Variants in KPNA5 observed in about 807,000 individuals in gnomAD.
The protein encoded by KPNA5 is karyopherin subunit alpha 5, also known as importin subunit alpha-6.
KPNA5 carries 46 observed loss-of-function variants against 71.3 expected under a neutral mutation model. The ratio of observed to expected loss-of-function variants is 0.65; its 90% CI spans 0.51 to 0.83. KPNA5 has a LOEUF of 0.83. KPNA5 is among the 40% of genes least tolerant of loss of function. KPNA5 has a pLI of 0.00. For missense variants in KPNA5, 547 were observed against 628.3 expected (o/e 0.87, Z 1.38); for synonymous variants, 207 against 201.4 (o/e 1.03, Z -0.24).
rs1461658371 is a variant in KPNA5 at position 116,739,365 on chromosome 6, A to G, written c.*7042A>G. On this transcript the variant is annotated 3_prime_UTR_variant, in exon 14 of 14. Coordinates refer to ENST00000368564, the MANE Select transcript of KPNA5 (RefSeq NM_001366306.2). ...AATAAAAGAGGATACAAAGAAATGG[A>G]AGAACATTCCATGCTCATGGGTAGG... 6.6e-6 allele frequency: 1 copy of G among 152,168 alleles called. No homozygotes were observed. The highest frequency in any genetic ancestry group is 1.5e-5 in the Non-Finnish European group (1 of 68,032). The allele number at this position is 152,168 out of a possible 1,614,324, so 9.4% of individuals were successfully genotyped here.
chr6:116,685,005 G>A lies in KPNA5; in HGVS notation c.4+3667G>A, dbSNP rs565872927. Among the ~76,000 whole-genome samples the A allele has an allele frequency of 1.0e-3, 154 of 152,262 alleles. 1 individual carries two copies. Among genetic ancestry groups the A allele is most frequent in the African/African-American group, 3.5e-3 (146 of 41,546 alleles). On this transcript the variant is annotated intron_variant, in intron 1 of 13. Coordinates refer to ENST00000368564, the MANE Select transcript of KPNA5 (RefSeq NM_001366306.2). ...TTATAAAGTGAAACATAAACTTGCC[G>A]TATTATCCGTCAGTTCTACTCCTAG...
intron 5 of KPNA5, among the ~76,000 whole-genome samples, chr6:116,700,455 T>C (rs1346711371): frequency 2.7e-5 from 4 of 149,140 alleles, no homozygotes. Context: ...GGGCCCTGTC[T>C]CTAAATAAAT....
intron 1 of KPNA5, chr6:116,681,607 C>G: frequency 9.2e-7 from 1 of 1,090,854 alleles, no homozygotes; most frequent in Non-Finnish European, 1.2e-6. Flanking sequence ...CTGGTCTCAT[C>G]TTCGCCGCCC....
rs1445660877 is a variant in KPNA5, at chr6:116,716,372, A to G, written c.756+54A>G. On this transcript the variant is annotated intron_variant, in intron 8 of 13. Coordinates refer to ENST00000368564, the MANE Select transcript of KPNA5 (RefSeq NM_001366306.2). The stretch of plus-strand genomic sequence containing the variant: ...TTTGTTTCCATAAACCTAAGTTTCT[A>G]TATAATAGCTTTTTGATGTTTAAGG... The G allele has an allele frequency of 7.4e-6, 9 of 1,208,894 alleles. No individual in the cohort carries two copies. The African/African-American group carries it at 7.7e-5, about 10-fold the overall frequency. 74.9% of individuals were successfully genotyped at this position (1,208,894 alleles called of 1,614,324 possible). A position where few individuals can be genotyped will look rare whatever the true frequency, so the allele number is the denominator to read the frequency against.
rs1211138680 is a variant in KPNA5, at chr6:116,732,193, C to T, written c.1490C>T (p.Ala497Val). 7 of 1,568,152 alleles carry T rather than the reference C, an allele frequency of 4.5e-6. No homozygotes were observed. Among genetic ancestry groups the T allele is most frequent in the Non-Finnish European group, 6.0e-6 (7 of 1,159,102 alleles). ...GAAAATCAGGAAATTTACCAGAAGGCATTTGATCTGATTGAACATTACTTT... is the reference window on the plus strand; with the variant it reads ...GAAAATCAGGAAATTTACCAGAAGGTATTTGATCTGATTGAACATTACTTT... ...SHENQEIYQK[A>V]FDLIEHYFGV... is the part of the protein sequence containing the mutation. The change falls in exon 14 of 14, where the codon GCA becomes GTA. Residue 497 changes from alanine (A) to valine (V), a missense_variant. Physicochemically the swap from Ala to Val is moderately conservative, Grantham distance 64 (BLOSUM62 0). Coordinates refer to ENST00000368564, the MANE Select transcript of KPNA5 (RefSeq NM_001366306.2).
intron 7 of KPNA5, among the ~76,000 whole-genome samples, chr6:116,708,045 G>A (rs1047267097): frequency 5.9e-5 from 9 of 152,120 alleles, no homozygotes; most frequent in African/African-American, 1.9e-4. Context: ...TTAGCTTACT[G>A]TTTTCAAGGT....
At chr6:116,714,309 TG>T (rs1190904196) in intron 7 of KPNA5, among the ~76,000 whole-genome samples, 2 of 152,298 alleles carry the variant, frequency 1.3e-5, no homozygotes, top group African/African-American at 4.8e-5. Context: ...CTTAACTCAG[TG>T]GGTAGCTAGT....
rs2114529103 is a variant in KPNA5, at chr6:116,739,149, C to G, written c.*6826C>G. 1 of 152,292 alleles carries G rather than the reference C, an allele frequency of 6.6e-6. No homozygotes were observed. Among genetic ancestry groups the G allele is most frequent in the African/African-American group, 2.4e-5 (1 of 41,556 alleles). The allele number at this position is 152,292 out of a possible 1,614,324, so 9.4% of individuals were successfully genotyped here. ...TCCTTAAGCTGATAAGCAACTTCAG[C>G]AAAGTCTCAGGATACAAAATCAATG... On this transcript the variant is annotated 3_prime_UTR_variant, in exon 14 of 14. Transcript: ENST00000368564.
Position 116,722,387 on chromosome 6 carries a change from CAGGGA to C in KPNA5, c.920+100_920+104del, listed in dbSNP as rs1452502083. ...TAAATATCTCAAGAGTCACTGTCTTCAGGGAAAATTAAAAAGCTACTGACCCAACA... is the reference window on the plus strand; with the variant it reads ...TAAATATCTCAAGAGTCACTGTCTTCAAATTAAAAAGCTACTGACCCAACA... On this transcript the variant is annotated intron_variant, in intron 9 of 13. Coordinates refer to ENST00000368564, the MANE Select transcript of KPNA5 (RefSeq NM_001366306.2). The C allele has an allele frequency of 1.0e-5, 10 of 1,001,758 alleles. No homozygotes were observed. The Admixed American group carries it at 1.3e-4, about 13-fold the overall frequency. 62.1% of individuals were successfully genotyped at this position (1,001,758 alleles called of 1,614,324 possible).
chr6:116,708,011 T>C (rs1778512986), intron 7 of KPNA5, among the ~76,000 whole-genome samples: 1 of 152,234 alleles, frequency 6.6e-6, no homozygotes, highest in Non-Finnish European at 1.5e-5. Context: ...TCATACAATA[T>C]ATTACCTTTG....
chr6:116,689,480 G>A (rs1777713731), intron 2 of KPNA5, 27 bp downstream of exon 2: 2 of 1,516,690 alleles, frequency 1.3e-6, no homozygotes, highest in Middle Eastern at 2.2e-4. Context: ...ATTTAATTTT[G>A]TTTTTTAAAA....
chr6:116,696,253 T>C (rs947813357), intron 4 of KPNA5, among the ~76,000 whole-genome samples: 1 of 152,176 alleles, frequency 6.6e-6, no homozygotes, highest in African/African-American at 2.4e-5. Context: ...AGTTAATAGA[T>C]GTTTTCTTTC....
intron 4 of KPNA5, among the ~76,000 whole-genome samples, chr6:116,697,728 A>G (rs756843019): frequency 6.6e-6 from 1 of 152,060 alleles, no homozygotes; most frequent in South Asian, 2.1e-4. Context: ...ATGAATAGAT[A>G]ACATAGTAAT....
Position 116,712,378 on chromosome 6 carries a change from G to A in KPNA5, c.657-3841G>A, listed in dbSNP as rs1426238982. The stretch of plus-strand genomic sequence containing the variant: ...TCGGATCTCTGTTATTATTTGCATG[G>A]AAAATCGCTTCTCGGCCTTTTGGCT... On this transcript the variant is annotated intron_variant, in intron 7 of 13. Coordinates refer to ENST00000368564, the MANE Select transcript of KPNA5 (RefSeq NM_001366306.2). Among the ~76,000 whole-genome samples the A allele has an allele frequency of 2.0e-5, 3 of 152,292 alleles. No individual in the cohort carries two copies. In the East Asian group the frequency reaches 5.8e-4, roughly 29 times the overall value.
chr6:116,725,987 G>C, intron 11 of KPNA5, 111 bp downstream of exon 11: 2 of 1,199,010 alleles, frequency 1.7e-6, no homozygotes, highest in Non-Finnish European at 2.3e-6. Flanking sequence ...TACCGAAAAA[G>C]TATTTTAAAG....
intron 6 of KPNA5, among the ~76,000 whole-genome samples, chr6:116,703,764 TTAAAA>T (rs1778324801): frequency 6.6e-6 from 1 of 152,200 alleles, no homozygotes; most frequent in African/African-American, 2.4e-5. Flanking sequence ...GTTTTAAACA[TTAAAA>T]TAAAACTTTC....
rs189351482 is a variant in KPNA5, at chr6:116,733,750, A to G, written c.*1427A>G. ...TTAGTTTACAACTCTTTTTAAGATG[A>G]GAACTAAGGCAATTTTGATATGATT... On this transcript the variant is annotated 3_prime_UTR_variant, in exon 14 of 14. Transcript: ENST00000368564. The G allele has an allele frequency of 2.0e-5, 3 of 151,784 alleles. No individual in the cohort carries two copies. In the East Asian group the frequency reaches 5.8e-4, roughly 29 times the overall value. The allele number at this position is 151,784 out of a possible 1,614,324, so 9.4% of individuals were successfully genotyped here.
intron 12 of KPNA5, among the ~76,000 whole-genome samples, chr6:116,728,674 T>C (rs1254331917): frequency 6.6e-6 from 1 of 150,768 alleles, no homozygotes; most frequent in Admixed American, 6.6e-5. Flanking sequence ...GACAGAAACT[T>C]TTATTAAATG....
chr6:116,730,615 C>T (rs925296401), intron 13 of KPNA5, among the ~76,000 whole-genome samples: 1 of 152,084 alleles, frequency 6.6e-6, no homozygotes, highest in African/African-American at 2.4e-5. Flanking sequence ...TTGATGTCTT[C>T]TCATTTTGCT....
Sources: allele counts gnomAD v4.1 joint callset (sites outside exome capture counted in the v4.1 genomes callset), GRCh38; gene constraint gnomAD v4.1.1; transcripts MANE v1.5; gene names NCBI Gene and HGNC (gene_info 2026-07-23, HGNC 2026-07-21).